SLC14A2: variants seen among roughly 807,000 people sequenced by gnomAD.
The protein encoded by SLC14A2 is solute carrier family 14 member 2.
In SLC14A2, 91 loss-of-function variants were observed where a neutral mutation model predicts 104.6. The ratio of observed to expected loss-of-function variants is 0.87; its 90% CI spans 0.73 to 1.04. SLC14A2 has a LOEUF of 1.04. Ranked by LOEUF, SLC14A2 falls within the 50% of genes least tolerant of loss-of-function variation. The pLI, the probability that SLC14A2 is intolerant of heterozygous loss-of-function variation, is 0.00. For synonymous variants in SLC14A2, 476 were observed against 466.4 expected, an observed-to-expected ratio of 1.02 and a Z score of -0.27; for missense variants, 1,189 against 1,156.0, an observed-to-expected ratio of 1.03 and a Z score of -0.41.
chr18:45,305,657 G>T (rs983373198), intron 1 of SLC14A2, among the ~76,000 whole-genome samples: 2 of 152,108 alleles, frequency 1.3e-5, no homozygotes, highest in Admixed American at 6.6e-5. Context: ...AGTCACTAGC[G>T]CACAGCTTCT....
intron 1 of SLC14A2, among the ~76,000 whole-genome samples, chr18:45,241,335 G>A (rs1402890792): frequency 6.6e-6 from 1 of 152,248 alleles, no homozygotes; most frequent in African/African-American, 2.4e-5. Flanking sequence ...CAGGAAGGCT[G>A]AATGTGAGAG....
chr18:45,488,596 G>A (rs772038617), intron 2 of SLC14A2, among the ~76,000 whole-genome samples: 2 of 152,194 alleles, frequency 1.3e-5, no homozygotes, highest in African/African-American at 2.4e-5. Context: ...ACAGCTTTGG[G>A]TCATCTGGCC....
In SLC14A2 at chr18:45,235,504, C is replaced by T. The variant is rs576237688; in HGVS notation, c.-125+22313C>T. On this transcript the variant is annotated intron_variant, in intron 1 of 20. Coordinates refer to the SLC14A2 transcript ENST00000586448. ...ACAGTCACCCTACAGTACTATAGAA[C>T]GCTAGAATTTATTCCTCCTATCTAG... is the stretch of plus-strand genomic sequence containing the variant. Among the ~76,000 whole-genome samples the T allele has an allele frequency of 7.2e-5, 11 of 152,002 alleles. No homozygotes were observed. In the East Asian group the frequency reaches 9.7e-4, roughly 13 times the overall value.
intron 2 of SLC14A2, among the ~76,000 whole-genome samples, chr18:45,539,425 C>A (rs889046776): frequency 1.3e-5 from 2 of 152,306 alleles, no homozygotes; most frequent in East Asian, 3.9e-4. Flanking sequence ...ACAGGCCAGG[C>A]CAATGGAGTT....
At chr18:45,567,503 G>C (rs1387290136) in intron 2 of SLC14A2, among the ~76,000 whole-genome samples, 1 of 152,182 alleles carries the variant, frequency 6.6e-6, no homozygotes, top group Admixed American at 6.5e-5. Flanking sequence ...TCAATACCTA[G>C]GATATCTTAA....
the SLC14A2 span, among the ~76,000 whole-genome samples, chr18:45,196,799 G>GC: frequency 6.6e-6 from 1 of 152,220 alleles, no homozygotes; most frequent in Non-Finnish European, 1.5e-5. Flanking sequence ...CATACCTGGA[G>GC]CTAGGGGCTG....
chr18:45,673,194 A>G (rs2046170889), intron 17 of SLC14A2, 147 bp downstream of exon 17: 7 of 797,404 alleles, frequency 8.8e-6, no homozygotes, highest in East Asian at 5.2e-5. Flanking sequence ...TCCGTTTTTG[A>G]TCTAGCCCCT....
chr18:45,181,923 A>G, the SLC14A2 span, among the ~76,000 whole-genome samples: 1 of 152,166 alleles, frequency 6.6e-6, no homozygotes, highest in East Asian at 1.9e-4. Context: ...ATTTCTCTTT[A>G]AAAACTTGGG....
At chr18:45,437,661 T>A (rs1048862921) in intron 1 of SLC14A2, among the ~76,000 whole-genome samples, 1 of 152,174 alleles carries the variant, frequency 6.6e-6, no homozygotes, top group African/African-American at 2.4e-5. Context: ...AGTTGTTGTG[T>A]TGTGTGCTTA....
chr18:45,512,354 T>C (rs904599308), intron 2 of SLC14A2, among the ~76,000 whole-genome samples: 1 of 152,128 alleles, frequency 6.6e-6, no homozygotes, highest in Admixed American at 6.5e-5. Context: ...AGATGGGCGA[T>C]ACCTAGGCCA....
At chr18:45,397,957 C>T (rs981374111) in intron 1 of SLC14A2, among the ~76,000 whole-genome samples, 10 of 149,808 alleles carry the variant, frequency 6.7e-5, no homozygotes, top group Non-Finnish European at 1.2e-4. Context: ...AAATAAATAA[C>T]GAAACTGCCA....
intron 1 of SLC14A2, among the ~76,000 whole-genome samples, chr18:45,414,877 T>A (rs1176623077): frequency 6.7e-6 from 1 of 149,458 alleles, no homozygotes; most frequent in Non-Finnish European, 1.5e-5. Context: ...TTCCCTTCTC[T>A]CCTTTCAGAG....
chr18:45,439,465 T>A (rs1446002745), intron 1 of SLC14A2, among the ~76,000 whole-genome samples: 1 of 152,180 alleles, frequency 6.6e-6, no homozygotes, highest in Non-Finnish European at 1.5e-5. Context: ...GTTTTCTTTT[T>A]GAAAAACTGT....
In SLC14A2 at chr18:45,668,041, G is replaced by C; in HGVS notation, c.1907+19G>C. 6.2e-7 allele frequency: 1 copy of C among 1,611,968 alleles called. No individual in the cohort carries two copies. Among genetic ancestry groups the C allele is most frequent in the Non-Finnish European group, 8.5e-7 (1 of 1,178,096 alleles). Reference sequence around the variant, plus strand: ...AGGACAAGTAAGTCCCAGAGGCTCAGGGTCCAAACATGTAGCCAAGAAGTC... The same window carrying C: ...AGGACAAGTAAGTCCCAGAGGCTCACGGTCCAAACATGTAGCCAAGAAGTC... On this transcript the variant is annotated intron_variant, in intron 14 of 19. Transcript: ENST00000255226.
chr18:45,530,398 T>C (rs886356923), intron 2 of SLC14A2, among the ~76,000 whole-genome samples: 1 of 152,216 alleles, frequency 6.6e-6, no homozygotes, highest in Admixed American at 6.5e-5. Flanking sequence ...CATAGACTAC[T>C]AAATCTACAA....
the SLC14A2 span, among the ~76,000 whole-genome samples, chr18:45,189,426 T>A: frequency 6.6e-6 from 1 of 152,198 alleles, no homozygotes; most frequent in Admixed American, 6.6e-5. Flanking sequence ...ATAAGTGTTG[T>A]CTTTCTTGTT....
chr18:45,658,856 T>G (rs1361632686), intron 10 of SLC14A2, among the ~76,000 whole-genome samples: 1 of 152,126 alleles, frequency 6.6e-6, no homozygotes, highest in Non-Finnish European at 1.5e-5. Context: ...GGATCACTAC[T>G]CCCAAGGAAA....
intron 1 of SLC14A2, among the ~76,000 whole-genome samples, chr18:45,215,786 G>C (rs2084004970): frequency 6.6e-6 from 1 of 152,188 alleles, no homozygotes; most frequent in Non-Finnish European, 1.5e-5. Flanking sequence ...TAAGCCCTAT[G>C]ACTTTCCCAG....
chr18:45,427,123 T>A (rs540659362), intron 1 of SLC14A2, among the ~76,000 whole-genome samples: 1 of 152,142 alleles, frequency 6.6e-6, no homozygotes. Flanking sequence ...AATGGACACC[T>A]CACCCCCTTT....
Sources: gnomAD v4.1 joint callset for allele counts (sites outside exome capture counted in the v4.1 genomes callset) on GRCh38, gnomAD v4.1.1 for gene constraint, MANE v1.5 for transcripts, NCBI Gene and HGNC (gene_info 2026-07-23, HGNC 2026-07-21) for gene names.